Variants in ITPR1 observed in about 807,000 individuals in gnomAD.
ITPR1 encodes inositol 1,4,5-trisphosphate receptor type 1, also known as inositol 1,4,5-trisphosphate-gated calcium channel ITPR1.
A neutral mutation model predicts 318.4 loss-of-function variants in ITPR1; 96 were observed. That is an observed-to-expected ratio of 0.30 (90% CI 0.26 to 0.36). The LOEUF is 0.36. Ranked by LOEUF, ITPR1 falls within the 10% of genes least tolerant of loss-of-function variation. ITPR1 has a pLI of 1.00. For synonymous variants in ITPR1, 1,312 were observed against 1,289.9 expected, an observed-to-expected ratio of 1.02 and a Z score of -0.37; for missense variants, 2,440 against 3,460.2, an observed-to-expected ratio of 0.71 and a Z score of 7.40.
chr3:4,826,159 T>C lies in ITPR1; in HGVS notation c.8028+7917T>C, dbSNP rs1459565804. Among the ~76,000 whole-genome samples the C allele has an allele frequency of 6.6e-6, 1 of 152,260 alleles. No homozygotes were observed. Among genetic ancestry groups the C allele is most frequent in the Non-Finnish European group, 1.5e-5 (1 of 68,050 alleles). ...TGTTGATAAAGTGCCGTGGACACCT[T>C]CTGCTTCGTGCAGATGCACGATGAT... is the stretch of plus-strand genomic sequence containing the variant. On this transcript the variant is annotated intron_variant, in intron 60 of 61. Transcript: ENST00000649015. The surrounding 1 kb of genome is among the most constrained non-coding windows in gnomAD (Gnocchi z 4.2).
intron 4 of ITPR1, among the ~76,000 whole-genome samples, chr3:4,590,819 A>G (rs2090339613): frequency 6.6e-6 from 1 of 152,068 alleles, no homozygotes; most frequent in African/African-American, 2.4e-5. Flanking sequence ...ATATTATTAC[A>G]TTACCCAGGT....
intron 40 of ITPR1, among the ~76,000 whole-genome samples, chr3:4,721,116 A>G (rs1431174260): frequency 6.8e-6 from 1 of 147,250 alleles, no homozygotes; most frequent in African/African-American, 2.5e-5. Flanking sequence ...GGATATATAT[A>G]TATATATATT....
At chr3:4,600,451 G>A (rs569750049) in intron 4 of ITPR1, among the ~76,000 whole-genome samples, 69 of 152,068 alleles carry the variant, frequency 4.5e-4, no homozygotes, top group African/African-American at 1.5e-3. Context: ...GCTGGAGCTC[G>A]GAAAGGGTAC....
chr3:4,720,799 G>GC (rs928712788), intron 40 of ITPR1, among the ~76,000 whole-genome samples: 1 of 151,794 alleles, frequency 6.6e-6, no homozygotes. Flanking sequence ...TCGAGGTAGA[G>GC]GGGGAAACAG....
At chr3:4,830,697 A>G (rs2050419144) in intron 60 of ITPR1, among the ~76,000 whole-genome samples, 1 of 152,138 alleles carries the variant, frequency 6.6e-6, no homozygotes. Context: ...CTTCCTGCCT[A>G]GTGAGAGCAG....
At chr3:4,650,354 C>T (rs1001668095) in intron 10 of ITPR1, among the ~76,000 whole-genome samples, 1 of 152,128 alleles carries the variant, frequency 6.6e-6, no homozygotes, top group Admixed American at 6.5e-5. Flanking sequence ...AGTGTGTCAG[C>T]GTCCCAGTTC....
At chr3:4,533,166 T>C (rs917674329) in intron 4 of ITPR1, among the ~76,000 whole-genome samples, 3 of 152,180 alleles carry the variant, frequency 2.0e-5, no homozygotes, top group African/African-American at 4.8e-5. Flanking sequence ...TTCAATCCAA[T>C]TGGTAAGAGA....
rs1423257096 is a variant in ITPR1 at position 4,533,580 on chromosome 3, A to G, written c.163+12486A>G. 2.0e-5 allele frequency among the ~76,000 whole-genome samples: 3 copies of G among 152,348 alleles called. No individual in the cohort carries two copies. The East Asian group carries it at 5.8e-4, about 29-fold the overall frequency. On this transcript the variant is annotated intron_variant, in intron 4 of 61. Coordinates refer to ENST00000649015, the MANE Select transcript of ITPR1 (RefSeq NM_001378452.1). Reference sequence around the variant, plus strand: ...GAATTTGCAATTAGCAGCTTTCGGGACATCTCTTAGGAAGCTCAAACATGG... The same window carrying G: ...GAATTTGCAATTAGCAGCTTTCGGGGCATCTCTTAGGAAGCTCAAACATGG...
chr3:4,706,461 G>A, intron 37 of ITPR1, 110 bp downstream of exon 37: 1 of 946,990 alleles, frequency 1.1e-6, no homozygotes, highest in Non-Finnish European at 1.5e-6. Flanking sequence ...GTGGGAAGAT[G>A]TCGGTGTGCT....
rs2094333684 is a variant in ITPR1, at chr3:4,683,271, T to C, written c.3162-115T>C. 1.3e-5 allele frequency: 12 copies of C among 959,262 alleles called. No homozygotes were observed. In the South Asian group the frequency reaches 1.6e-4, roughly 13 times the overall value. The allele number at this position is 959,262 out of a possible 1,614,324, so 59.4% of individuals were successfully genotyped here. On this transcript the variant is annotated intron_variant, in intron 26 of 61. Coordinates refer to ENST00000649015, the MANE Select transcript of ITPR1 (RefSeq NM_001378452.1). Reference sequence around the variant, plus strand: ...GGAGCTAATGAAAAGTGAAATTGCATGTCTGGAGATCACAGTGCTAGAAAT... The same window carrying C: ...GGAGCTAATGAAAAGTGAAATTGCACGTCTGGAGATCACAGTGCTAGAAAT...
intron 41 of ITPR1, among the ~76,000 whole-genome samples, chr3:4,726,660 A>G (rs976929939): frequency 4.6e-5 from 7 of 152,104 alleles, no homozygotes; most frequent in East Asian, 1.9e-4. Context: ...TTGTTACAAG[A>G]CTTGTGTACT....
chr3:4,759,800 G>A (rs1228238668), intron 44 of ITPR1, among the ~76,000 whole-genome samples: 1 of 152,196 alleles, frequency 6.6e-6, no homozygotes, highest in Non-Finnish European at 1.5e-5. Context: ...GCAGAGTTCT[G>A]TGATCTGTGT....
chr3:4,834,018 A>G (rs2050705964), intron 60 of ITPR1, among the ~76,000 whole-genome samples: 1 of 152,152 alleles, frequency 6.6e-6, no homozygotes, highest in African/African-American at 2.4e-5. Flanking sequence ...CAGCTTCCCG[A>G]GTGGCTAGGA....
chr3:4,575,075 T>C (rs1211056687), intron 4 of ITPR1, among the ~76,000 whole-genome samples: 1 of 152,272 alleles, frequency 6.6e-6, no homozygotes, highest in African/African-American at 2.4e-5. Context: ...TCTGTACTTT[T>C]CTTGCAAATA....
chr3:4,671,772 G>A (rs1004332939), intron 20 of ITPR1: 5 of 152,336 alleles, frequency 3.3e-5, no homozygotes. Flanking sequence ...AAATAAAACT[G>A]CAGATAAAAT....
At chr3:4,690,901 T>G (rs541167393) in intron 31 of ITPR1, among the ~76,000 whole-genome samples, 1 of 152,350 alleles carries the variant, frequency 6.6e-6, no homozygotes, top group South Asian at 2.1e-4. Context: ...AAGGTCCCTT[T>G]ATAATCTATT....
intron 4 of ITPR1, among the ~76,000 whole-genome samples, chr3:4,584,885 A>G (rs570487825): frequency 6.6e-6 from 1 of 152,342 alleles, no homozygotes; most frequent in Non-Finnish European, 1.5e-5. Context: ...AAATGAAGCA[A>G]ATGAAGAGGC....
intron 4 of ITPR1, among the ~76,000 whole-genome samples, chr3:4,608,660 A>G (rs1575699361): frequency 2.6e-5 from 4 of 152,226 alleles, no homozygotes; most frequent in Admixed American, 2.6e-4. Flanking sequence ...TCAGCATCTT[A>G]CAAGATACAG....
chr3:4,520,075 G>C (rs1391751041), intron 3 of ITPR1, among the ~76,000 whole-genome samples: 1 of 152,196 alleles, frequency 6.6e-6, no homozygotes, highest in Non-Finnish European at 1.5e-5. Context: ...TTTGGGATGA[G>C]AGGAGGCAGC....
Sources: gnomAD v4.1 joint callset for allele counts (sites outside exome capture counted in the v4.1 genomes callset) on GRCh38, gnomAD v4.1.1 for gene constraint, Gnocchi (gnomAD v3.1) non-coding constraint, MANE v1.5 for transcripts, NCBI Gene and HGNC (gene_info 2026-07-23, HGNC 2026-07-21) for gene names.